NAV2: variants seen among roughly 807,000 people sequenced by gnomAD.
NAV2 encodes helicase, APC down-regulated 1.
A neutral mutation model predicts 223.2 loss-of-function variants in NAV2; 54 were observed. The observed-to-expected ratio is 0.24, with a 90% CI of 0.19 to 0.30. The LOEUF is 0.30. Among genes scored for constraint, NAV2 ranks in the 10% least tolerant of loss-of-function variants. The pLI is 1.00. For synonymous variants in NAV2, 1,279 were observed against 1,239.3 expected, an observed-to-expected ratio of 1.03 and a Z score of -0.67; for missense variants, 2,806 against 3,147.5, an observed-to-expected ratio of 0.89 and a Z score of 2.60.
At chr11:19,706,358 A>G (rs947950837) in intron 1 of NAV2, among the ~76,000 whole-genome samples, 7 of 152,364 alleles carry the variant, frequency 4.6e-5, no homozygotes, top group African/African-American at 1.7e-4. Flanking sequence ...CACCAAGGGT[A>G]AAAGCAAAAA....
At position 19,790,333 on chromosome 11, in the gene NAV2, A is replaced by C. The variant is rs889551406; in HGVS notation, c.268-42151A>C. Among the ~76,000 whole-genome samples the C allele has an allele frequency of 3.3e-5, 5 of 152,224 alleles. No homozygotes were observed. The South Asian group carries it at 8.3e-4, about 25-fold the overall frequency. On this transcript the variant is annotated intron_variant, in intron 1 of 37. Coordinates refer to ENST00000349880, the MANE Select transcript of NAV2 (RefSeq NM_145117.5). The stretch of plus-strand genomic sequence containing the variant: ...TCCTTTTATACTCGGGCCAACTGAC[A>C]TCCAGAGAGGGAAAGTGATTTGCTT...
At chr11:20,022,898 C>A in intron 11 of NAV2, 1 of 1,385,166 alleles carries the variant, frequency 7.2e-7, no homozygotes, top group Non-Finnish European at 9.5e-7. Context: ...TTCAGCACTT[C>A]AGAGGTTAAT....
intron 1 of NAV2, among the ~76,000 whole-genome samples, chr11:19,421,797 T>C (rs1850624619): frequency 9.3e-6 from 1 of 106,966 alleles, no homozygotes; most frequent in Admixed American, 1.4e-4. Flanking sequence ...TGCCCAAGCA[T>C]GAGAAGTTAA....
intron 1 of NAV2, among the ~76,000 whole-genome samples, chr11:19,597,818 C>A (rs143980482): frequency 2.0e-5 from 3 of 152,304 alleles, no homozygotes; most frequent in Non-Finnish European, 2.9e-5. Flanking sequence ...CACAGAACTG[C>A]GAGTTTCACT....
chr11:20,051,262 C>G (rs1441639586), intron 16 of NAV2, 27 bp from the exon 17 acceptor site: 1 of 1,610,430 alleles, frequency 6.2e-7, no homozygotes, highest in South Asian at 1.1e-5. Context: ...CTCTGAAGTT[C>G]TTATTTTTGT....
chr11:19,961,245 C>G (rs770669472), intron 10 of NAV2, among the ~76,000 whole-genome samples: 1 of 152,080 alleles, frequency 6.6e-6, no homozygotes, highest in South Asian at 2.1e-4. Flanking sequence ...TCACTGCACC[C>G]GGCCCACGTT....
At chr11:19,931,874 G>A (rs928561571) in intron 6 of NAV2, 2 of 152,256 alleles carry the variant, frequency 1.3e-5, no homozygotes, top group Admixed American at 6.5e-5. Context: ...CGTGCACACT[G>A]GGCATGGGGT....
At chr11:19,980,111 T>C (rs1565690036) in intron 10 of NAV2, among the ~76,000 whole-genome samples, 1 of 152,166 alleles carries the variant, frequency 6.6e-6, no homozygotes, top group Non-Finnish European at 1.5e-5. Context: ...ACAACAGTCA[T>C]GTTCCTTAAC....
At chr11:19,987,768 G>T (rs1420424422) in intron 11 of NAV2, among the ~76,000 whole-genome samples, 1 of 152,194 alleles carries the variant, frequency 6.6e-6, no homozygotes. Context: ...ACTCTTTAGG[G>T]TTGCCACTCC....
intron 1 of NAV2, among the ~76,000 whole-genome samples, chr11:19,564,744 C>T (rs1270637197): frequency 6.6e-6 from 1 of 152,224 alleles, no homozygotes; most frequent in Non-Finnish European, 1.5e-5. Context: ...GTACCTCCCA[C>T]CGGGCTCCCC....
intron 1 of NAV2, among the ~76,000 whole-genome samples, chr11:19,437,425 T>A (rs892483110): frequency 1.3e-5 from 2 of 152,118 alleles, no homozygotes; most frequent in African/African-American, 2.4e-5. Context: ...ATATATACAA[T>A]CTGTTTCCAA....
chr11:19,871,174 G>C (rs1463015147), intron 4 of NAV2, among the ~76,000 whole-genome samples: 2 of 152,162 alleles, frequency 1.3e-5, no homozygotes, highest in Non-Finnish European at 2.9e-5. Context: ...CTTCCTGCTG[G>C]GTCAAGACTC....
intron 6 of NAV2, among the ~76,000 whole-genome samples, chr11:19,915,261 C>T (rs187909213): frequency 7.3e-4 from 111 of 152,306 alleles, no homozygotes; most frequent in African/African-American, 2.6e-3. Flanking sequence ...GGAGAAATCC[C>T]CTGTCAGAAG....
chr11:19,361,706 G>T (rs1027524970), intron 1 of NAV2, among the ~76,000 whole-genome samples: 7 of 152,032 alleles, frequency 4.6e-5, no homozygotes, highest in Admixed American at 4.6e-4. Context: ...TCACTGGCAG[G>T]GCCTGCCATA....
At chr11:19,570,771 A>G (rs986178645) in intron 1 of NAV2, among the ~76,000 whole-genome samples, 1 of 152,238 alleles carries the variant, frequency 6.6e-6, no homozygotes, top group Non-Finnish European at 1.5e-5. Context: ...TACAATTTTT[A>G]AAAAATTGAA....
chr11:20,037,751 C>T (rs1002211326), intron 12 of NAV2, among the ~76,000 whole-genome samples: 14 of 152,324 alleles, frequency 9.2e-5, no homozygotes, highest in African/African-American at 2.4e-4. Flanking sequence ...CTTCACAAGC[C>T]GATCACTGTT....
At chr11:19,854,916 C>G (rs2061336069) in intron 3 of NAV2, among the ~76,000 whole-genome samples, 1 of 152,108 alleles carries the variant, frequency 6.6e-6, no homozygotes. Flanking sequence ...GAAAAATGAC[C>G]AGGCAAGGTG....
intron 1 of NAV2, among the ~76,000 whole-genome samples, chr11:19,790,289 G>A (rs2057428587): frequency 6.6e-6 from 1 of 152,200 alleles, no homozygotes; most frequent in Non-Finnish European, 1.5e-5. Context: ...TTTCAAGACA[G>A]AGTTCTAGTC....
chr11:19,412,924 A>G (rs1025499249), intron 1 of NAV2, among the ~76,000 whole-genome samples: 4 of 152,236 alleles, frequency 2.6e-5, no homozygotes, highest in African/African-American at 9.6e-5. Context: ...TCTGAAGGTC[A>G]CCAACATCAA....
Sources: allele counts gnomAD v4.1 joint callset (sites outside exome capture counted in the v4.1 genomes callset), GRCh38; gene constraint gnomAD v4.1.1; transcripts MANE v1.5; gene names NCBI Gene and HGNC (gene_info 2026-07-23, HGNC 2026-07-21).